ERI3: variants seen among roughly 807,000 people sequenced by gnomAD.
ERI3 encodes ERI1 exoribonuclease 3.
Under a neutral mutation model 44.4 loss-of-function variants are expected in ERI3, and 18 were observed. The observed-to-expected ratio is 0.41, with a 90% confidence interval of 0.28 to 0.60. The LOEUF (loss-of-function observed/expected upper bound fraction) is 0.60, where lower values mean the gene tolerates loss of function less well. Among genes scored for constraint, ERI3 ranks in the 20% least tolerant of loss-of-function variants. The pLI is 0.36. For missense variants in ERI3, 294 were observed against 435.5 expected (o/e 0.68, Z 2.89); for synonymous variants, 183 against 164.8 (o/e 1.11, Z -0.84).
In ERI3 at chr1:44,241,671, ATTTC is replaced by A. The variant is rs760959782; in HGVS notation, c.931+6264_931+6267del. On this transcript the variant is annotated intron_variant, in intron 8 of 8. Transcript: ENST00000372257. The surrounding 1 kb of genome is among the most constrained non-coding windows in gnomAD (Gnocchi z 5.6). ...TGGCCGGCATTGATCTGTCTTTCTGATTTCTTTGTCATTTAAGTCTGCGATGGTT... is the reference window on the plus strand; with the variant it reads ...TGGCCGGCATTGATCTGTCTTTCTGATTTGTCATTTAAGTCTGCGATGGTT... Among the ~76,000 whole-genome samples the A allele has an allele frequency of 6.6e-6, 1 of 152,062 alleles. No homozygotes were observed. The highest frequency in any genetic ancestry group is 1.5e-5 in the Non-Finnish European group (1 of 68,026).
Position 44,355,162 on chromosome 1 carries a change from G to A in ERI3, c.-136C>T. ...CCCGCGCCGACTGCGGCGCCGGCCAGGCAGAGGCAGGGCCAGCTCCGCCCG... is the reference window on the plus strand; with the variant it reads ...CCCGCGCCGACTGCGGCGCCGGCCAAGCAGAGGCAGGGCCAGCTCCGCCCG... On this transcript the variant is annotated 5_prime_UTR_variant, in exon 1 of 9. Coordinates refer to ENST00000372257, the MANE Select transcript of ERI3 (RefSeq NM_024066.3). 8.3e-7 allele frequency: 1 copy of A among 1,210,634 alleles called. No homozygotes were observed. The highest frequency in any genetic ancestry group is 1.0e-6 in the Non-Finnish European group (1 of 972,666). The allele number at this position is 1,210,634 out of a possible 1,614,324, so 75.0% of individuals were successfully genotyped here.
At chr1:44,238,000 T>C (rs186924409) in intron 8 of ERI3, among the ~76,000 whole-genome samples, 1,822 of 152,196 alleles carry the variant, frequency 0.012, 22 homozygotes, top group Non-Finnish European at 0.016. Flanking sequence ...CTGGGTGCCC[T>C]GCCTCACCCC....
At chr1:44,259,916 TAGATAGACAGAC>T (rs1345621399) in intron 7 of ERI3, among the ~76,000 whole-genome samples, 2,678 of 141,120 alleles carry the variant, frequency 0.019, 40 homozygotes, top group Non-Finnish European at 0.025. Context: ...GATAGATAGA[TAGATAGACAGAC>T]AGACAGACAG....
At chr1:44,291,573 G>A (rs986099357) in intron 6 of ERI3, among the ~76,000 whole-genome samples, 2 of 152,178 alleles carry the variant, frequency 1.3e-5, no homozygotes, top group African/African-American at 2.4e-5. Flanking sequence ...GAGTGCTGGC[G>A]AGGGCTGGGG....
chr1:44,321,801 A>G (rs976166480), intron 3 of ERI3, among the ~76,000 whole-genome samples: 1 of 152,220 alleles, frequency 6.6e-6, no homozygotes, highest in Admixed American at 6.5e-5. Flanking sequence ...AACCTGTGAC[A>G]CAACTGTACT....
At chr1:44,339,353 A>G in intron 2 of ERI3, 31 bp from the exon 3 acceptor site, 2 of 1,491,722 alleles carry the variant, frequency 1.3e-6, no homozygotes, top group Non-Finnish European at 1.8e-6. Flanking sequence ...AAAAAAAAAA[A>G]AAAAAGAAAA....
intron 6 of ERI3, among the ~76,000 whole-genome samples, chr1:44,299,349 T>TTTTTTA (rs201009715): frequency 2.6e-5 from 4 of 152,062 alleles, no homozygotes; most frequent in East Asian, 3.9e-4. Context: ...CACCAGGTTA[T>TTTTTTA]TTTTTATTTT....
chr1:44,281,379 G>C (rs1011652564), intron 7 of ERI3, among the ~76,000 whole-genome samples: 6 of 151,838 alleles, frequency 4.0e-5, no homozygotes, highest in Non-Finnish European at 8.8e-5. Context: ...CTTGAGCCCA[G>C]GAGTTTGAGA....
chr1:44,279,984 A>G (rs1302746617), intron 7 of ERI3, among the ~76,000 whole-genome samples: 1 of 152,182 alleles, frequency 6.6e-6, no homozygotes, highest in Non-Finnish European at 1.5e-5. Flanking sequence ...AAACACATAC[A>G]TGCACACATC....
At chr1:44,320,474 G>T (rs1646176840) in intron 3 of ERI3, among the ~76,000 whole-genome samples, 1 of 152,296 alleles carries the variant, frequency 6.6e-6, no homozygotes, top group East Asian at 1.9e-4. Flanking sequence ...CAGCACCAAG[G>T]TCCTGGTGTG....
intron 6 of ERI3, among the ~76,000 whole-genome samples, chr1:44,293,444 T>C (rs1273133928): frequency 6.6e-6 from 1 of 152,216 alleles, no homozygotes; most frequent in Non-Finnish European, 1.5e-5. Context: ...TGTGCCTTCC[T>C]GGCCAGACTT....
intron 4 of ERI3, among the ~76,000 whole-genome samples, chr1:44,318,613 G>A (rs1247624562): frequency 1.3e-5 from 2 of 152,224 alleles, no homozygotes; most frequent in South Asian, 4.1e-4. Flanking sequence ...GAATTCAGGA[G>A]CAACCTCGAG....
chr1:44,246,893 C>G (rs1402711863), intron 8 of ERI3, among the ~76,000 whole-genome samples: 1 of 151,860 alleles, frequency 6.6e-6, no homozygotes, highest in Non-Finnish European at 1.5e-5. Context: ...CTCTCCAGTC[C>G]CCCCCCACAA....
intron 3 of ERI3, among the ~76,000 whole-genome samples, chr1:44,331,213 A>T (rs1449102945): frequency 1.3e-5 from 2 of 152,030 alleles, no homozygotes; most frequent in Non-Finnish European, 2.9e-5. Flanking sequence ...TCTCAATGTT[A>T]GTCAGCCAGC....
intron 8 of ERI3, among the ~76,000 whole-genome samples, chr1:44,246,137 G>A (rs1037870843): frequency 1.3e-5 from 2 of 152,088 alleles, no homozygotes; most frequent in African/African-American, 4.8e-5. Flanking sequence ...GGCATTCAAG[G>A]CCTGCTTATA....
intron 8 of ERI3, among the ~76,000 whole-genome samples, chr1:44,239,226 G>A (rs144837799): frequency 1.0e-3 from 158 of 152,316 alleles, no homozygotes; most frequent in African/African-American, 3.6e-3. Flanking sequence ...GTGCTTATGT[G>A]CAAGACCCTG....
At chr1:44,233,101 T>C (rs1465276556) in intron 8 of ERI3, among the ~76,000 whole-genome samples, 1 of 152,144 alleles carries the variant, frequency 6.6e-6, no homozygotes, top group African/African-American at 2.4e-5. Flanking sequence ...ATCACAACCA[T>C]ATAGACTAGT....
intron 7 of ERI3, 42 bp downstream of exon 7, chr1:44,284,793 G>A (rs746216322): frequency 2.0e-6 from 3 of 1,507,172 alleles, no homozygotes; most frequent in Non-Finnish European, 2.8e-6. Context: ...TGAGGCACAA[G>A]AGCACCAGGG....
At chr1:44,261,906 A>G (rs74983305) in intron 7 of ERI3, among the ~76,000 whole-genome samples, 2,018 of 152,308 alleles carry the variant, frequency 0.013, 50 homozygotes, top group African/African-American at 0.046. Context: ...AAGCTTTCCC[A>G]GAGCTGTTCT....
Sources: gnomAD v4.1 joint callset for allele counts (sites outside exome capture counted in the v4.1 genomes callset) on GRCh38, gnomAD v4.1.1 for gene constraint, Gnocchi (gnomAD v3.1) non-coding constraint, MANE v1.5 for transcripts, NCBI Gene and HGNC (gene_info 2026-07-23, HGNC 2026-07-21) for gene names.